PRRC2C: variants seen among roughly 807,000 people sequenced by gnomAD.
PRRC2C encodes the protein proline rich coiled-coil 2C.
PRRC2C carries 72 observed loss-of-function variants against 317.2 expected under a neutral mutation model. That is an observed-to-expected ratio of 0.23 (90% CI 0.19 to 0.28). PRRC2C has a LOEUF of 0.28. PRRC2C is among the 10% of genes least tolerant of loss of function. The pLI is 1.00. For synonymous variants in PRRC2C, 1,296 were observed against 1,205.9 expected, an observed-to-expected ratio of 1.07 and a Z score of -1.55; for missense variants, 3,074 against 3,459.7, an observed-to-expected ratio of 0.89 and a Z score of 2.80.
At chr1:171,554,096 G>A (rs921729583) in intron 18 of PRRC2C, among the ~76,000 whole-genome samples, 1 of 152,114 alleles carries the variant, frequency 6.6e-6, no homozygotes, top group Non-Finnish European at 1.5e-5. Context: ...TATTGTGTGG[G>A]AGTCTAAGTC....
chr1:171,517,813 A>G lies in PRRC2C; in HGVS notation c.749A>G (p.Tyr250Cys), dbSNP rs2102297441. Reference sequence around the variant, plus strand: ...CAGTATAGAGCTATGATGCCTCCTTATGTGAGTATTGTTAAATGAACAAGC... The same window carrying G: ...CAGTATAGAGCTATGATGCCTCCTTGTGTGAGTATTGTTAAATGAACAAGC... Reference protein sequence around the residue: ...ASQYRAMMPPYMFQQYPRMTY... With the variant: ...ASQYRAMMPPCMFQQYPRMTY... The change falls in exon 6 of 35, where the codon TAT becomes TGT. Residue 250 changes from tyrosine (Y) to cysteine (C), a missense_variant and splice_region_variant. Coordinates refer to ENST00000647382, the MANE Select transcript of PRRC2C (RefSeq NM_001387844.1). 6.2e-7 allele frequency: 1 copy of G among 1,609,258 alleles called. No homozygotes were observed. The highest frequency in any genetic ancestry group is 8.5e-7 in the Non-Finnish European group (1 of 1,177,132).
At chr1:171,529,119 C>G (rs142708796) in intron 11 of PRRC2C, among the ~76,000 whole-genome samples, 1 of 152,314 alleles carries the variant, frequency 6.6e-6, no homozygotes, top group East Asian at 1.9e-4. Context: ...TATCTACTTG[C>G]ATCTGAGACA....
rs1572187423 is a variant in PRRC2C, at chr1:171,591,751, A to G, written c.8601A>G (p.Glu2867=). The change falls in exon 35 of 35, where the codon GAA becomes GAG. Residue 2867 remains glutamate, a synonymous_variant. Coordinates refer to ENST00000647382, the MANE Select transcript of PRRC2C (RefSeq NM_001387844.1). ...DPPGVCQEKV[E]EKPPPAPSIA... Reference sequence around the variant, plus strand: ...CTGGGGTCTGTCAGGAAAAAGTAGAAGAAAAGCCACCCCCTGCACCCTCCA... The same window carrying G: ...CTGGGGTCTGTCAGGAAAAAGTAGAGGAAAAGCCACCCCCTGCACCCTCCA... 1.9e-6 allele frequency: 3 copies of G among 1,613,826 alleles called. No individual in the cohort carries two copies. In the East Asian group the frequency reaches 6.7e-5, roughly 36 times the overall value.
chr1:171,515,352 G>A (rs1672168587), intron 4 of PRRC2C, among the ~76,000 whole-genome samples: 1 of 152,098 alleles, frequency 6.6e-6, no homozygotes, highest in Admixed American at 6.6e-5. Flanking sequence ...CTTGATCTTG[G>A]GGTCTTTATT....
rs767594306 is a variant in PRRC2C, at chr1:171,527,795, G to A, written c.1205G>A (p.Arg402His). ...YGKGPSFNQE[R>H]GTSSHLPPPP... Reference sequence around the variant, plus strand: ...ATTCTTTCTTCTTTATAATAGGAACGTGGAACATCTTCACATCTGCCACCA... The same window carrying A: ...ATTCTTTCTTCTTTATAATAGGAACATGGAACATCTTCACATCTGCCACCA... Residue 402 changes from arginine to histidine, a missense_variant, in exon 11 of 35, where the codon CGT (arginine) becomes CAT (histidine). Coordinates refer to ENST00000647382, the MANE Select transcript of PRRC2C (RefSeq NM_001387844.1). 8.3e-6 allele frequency: 13 copies of A among 1,575,080 alleles called. No homozygotes were observed. Among genetic ancestry groups the A allele is most frequent in the African/African-American group, 6.8e-5 (5 of 73,654 alleles).
intron 5 of PRRC2C, among the ~76,000 whole-genome samples, 152 bp downstream of exon 5, chr1:171,516,011 C>T (rs996346674): frequency 2.4e-4 from 37 of 152,192 alleles, no homozygotes; most frequent in African/African-American, 8.4e-4. Context: ...ATGATTTTTG[C>T]ACCGACAGTA....
chr1:171,531,914 T>C (rs1444735760), intron 11 of PRRC2C, among the ~76,000 whole-genome samples: 6 of 152,204 alleles, frequency 3.9e-5, no homozygotes, highest in African/African-American at 1.2e-4. Flanking sequence ...TGTACCTTAA[T>C]TTTCTCAGGG....
intron 7 of PRRC2C, 93 bp from the exon 8 acceptor site, chr1:171,523,128 A>G (rs1044563592): frequency 1.7e-6 from 2 of 1,191,676 alleles, no homozygotes; most frequent in African/African-American, 3.1e-5. Flanking sequence ...AGAAAACACT[A>G]ATGTTGAAAT....
At position 171,543,887 on chromosome 1, in the gene PRRC2C, C is replaced by T. The variant is rs192671828; in HGVS notation, c.4764-1592C>T. ...CTCTGCAGAGTCCCAAGGCAGCATGCTTATCACATGGTGAGGGGGCTCACA... is the reference window on the plus strand; with the variant it reads ...CTCTGCAGAGTCCCAAGGCAGCATGTTTATCACATGGTGAGGGGGCTCACA... On this transcript the variant is annotated intron_variant, in intron 16 of 34. Transcript: ENST00000647382. Among the ~76,000 whole-genome samples, 102 of 152,300 alleles carry T rather than the reference C, an allele frequency of 6.7e-4. 2 individuals are homozygous for T. In the South Asian group the frequency reaches 0.017, roughly 25 times the overall value.
Position 171,540,105 on chromosome 1 carries a change from C to T in PRRC2C, c.2639C>T (p.Ser880Phe), listed in dbSNP as rs1377786217. The change falls in exon 16 of 35, where the codon TCT becomes TTT. Residue 880 changes from serine to phenylalanine, a missense_variant. Physicochemically the swap from Ser to Phe is radical, Grantham distance 155 (BLOSUM62 -2). Transcript: ENST00000647382. ...CAAGTACAAAAGTTTTTAAGCAGAT[C>T]TGTGGAAGATGTTAGACCTCACCAT... The part of the protein sequence containing the change: ...EAQVQKFLSR[S>F]VEDVRPHHTD... The T allele has an allele frequency of 1.2e-6, 2 of 1,613,944 alleles. No homozygotes were observed. The highest frequency in any genetic ancestry group is 1.7e-6 in the Non-Finnish European group (2 of 1,179,854).
In PRRC2C at chr1:171,592,087, T is replaced by A. The variant is rs1483981860; in HGVS notation, c.*240T>A. 1 of 405,706 alleles carries A rather than the reference T, an allele frequency of 2.5e-6. No homozygotes were observed. The highest frequency in any genetic ancestry group is 3.8e-5 in the East Asian group (1 of 26,510). The allele number at this position is 405,706 out of a possible 1,614,324, so 25.1% of individuals were successfully genotyped here. On this transcript the variant is annotated 3_prime_UTR_variant, in exon 35 of 35. Coordinates refer to ENST00000647382, the MANE Select transcript of PRRC2C (RefSeq NM_001387844.1). Reference sequence around the variant, plus strand: ...TGTGCTTGGTTGATGGCCATGCATCTTCAGTCAGAATTTATATATAAATGT... The same window carrying A: ...TGTGCTTGGTTGATGGCCATGCATCATCAGTCAGAATTTATATATAAATGT...
chr1:171,512,516 A>T (rs1671565100), intron 2 of PRRC2C: 1 of 278,308 alleles, frequency 3.6e-6, no homozygotes, highest in Non-Finnish European at 7.1e-6. Context: ...ATTAGTGGGA[A>T]TTTAGTATCT....
At position 171,497,981 on chromosome 1, in the gene PRRC2C, A is replaced by ATT. The variant is rs60519098; in HGVS notation, c.-58+12269_-58+12270dup. Among the ~76,000 whole-genome samples, 266 of 130,676 alleles carry ATT rather than the reference A, an allele frequency of 2.0e-3. 1 individual carries two copies. The highest frequency in any genetic ancestry group is 7.5e-3 in the African/African-American group (257 of 34,130). The allele number at this position is 130,676 out of a possible 152,430, so 85.7% of individuals were successfully genotyped here. On this transcript the variant is annotated intron_variant, in intron 1 of 34. Transcript: ENST00000647382. ...AGGCATGAGCCACCATACCCAGCTA[A>ATT]TTTTTTTTTTTTTTTTTTTTTTTTA...
At chr1:171,493,949 A>G (rs561752566) in intron 1 of PRRC2C, among the ~76,000 whole-genome samples, 2 of 152,260 alleles carry the variant, frequency 1.3e-5, no homozygotes, top group African/African-American at 2.4e-5. Flanking sequence ...ATTAAATCTT[A>G]TAATAGTATT....
chr1:171,543,596 A>G (rs1678438748), intron 16 of PRRC2C, among the ~76,000 whole-genome samples: 1 of 152,154 alleles, frequency 6.6e-6, no homozygotes, highest in Non-Finnish European at 1.5e-5. Flanking sequence ...TTTTAGAGCA[A>G]TTGCCAGGTT....
At chr1:171,518,890 T>TTG (rs1202582871) in intron 6 of PRRC2C, among the ~76,000 whole-genome samples, 19 of 150,472 alleles carry the variant, frequency 1.3e-4, no homozygotes, top group Non-Finnish European at 2.8e-4. Context: ...TACCACTTTT[T>TTG]TTTTTTTTTT....
intron 6 of PRRC2C, among the ~76,000 whole-genome samples, chr1:171,519,388 C>T (rs1395779704): frequency 2.6e-5 from 4 of 152,146 alleles, no homozygotes; most frequent in African/African-American, 7.2e-5. Context: ...AACATCCATT[C>T]GTTGAGATTG....
chr1:171,571,215 G>A (rs1003346191), intron 23 of PRRC2C, 105 bp from the exon 24 acceptor site: 5 of 580,386 alleles, frequency 8.6e-6, no homozygotes, highest in Non-Finnish European at 1.5e-5. Context: ...TGTTAGCTCT[G>A]ATGAAAAATA....
At chr1:171,528,264 T>C (rs547213688) in intron 11 of PRRC2C, among the ~76,000 whole-genome samples, 6 of 152,086 alleles carry the variant, frequency 3.9e-5, no homozygotes, top group Admixed American at 3.3e-4. Context: ...TCTACCCTAT[T>C]TCTCTGTTCT....
Sources: gnomAD v4.1 joint callset for allele counts (sites outside exome capture counted in the v4.1 genomes callset) on GRCh38, gnomAD v4.1.1 for gene constraint, MANE v1.5 for transcripts, NCBI Gene and HGNC (gene_info 2026-07-23, HGNC 2026-07-21) for gene names.